OR11A1: variants seen among roughly 807,000 people sequenced by gnomAD.
OR11A1 encodes olfactory receptor family 11 subfamily A member 1, also known as olfactory receptor 11A1.
For synonymous variants in OR11A1, 158 were observed against 152.2 expected, an observed-to-expected ratio of 1.04 and a Z score of -0.28; for missense variants, 380 against 378.2, an observed-to-expected ratio of 1.00 and a Z score of -0.04.
rs938491780 is a variant in OR11A1, at chr6:29,452,569, T to C, written c.-389+4418A>G. 5.3e-5 allele frequency among the ~76,000 whole-genome samples: 8 copies of C among 151,986 alleles called. 1 individual carries two copies. Among genetic ancestry groups the C allele is most frequent in the Non-Finnish European group, 1.2e-4 (8 of 67,998 alleles). ...ATAACAATAAAAATGACTGCCAACA[T>C]CTCAACAGAAACAAAGGGAGTCAGA... On this transcript the variant is annotated intron_variant, in intron 1 of 4. Transcript: ENST00000377149.
chr6:29,429,052 A>G (rs1268693744), intron 3 of OR11A1, 92 bp from the exon 4 acceptor site: 2 of 200,454 alleles, frequency 1.0e-5, no homozygotes, highest in African/African-American at 4.7e-5. Flanking sequence ...AAATATAAAT[A>G]CATAATACTA....
chr6:29,437,289 A>T (rs1403669998), intron 1 of OR11A1, among the ~76,000 whole-genome samples: 1 of 152,246 alleles, frequency 6.6e-6, no homozygotes, highest in Non-Finnish European at 1.5e-5. Flanking sequence ...GAACCAACAC[A>T]AATGTCCAAC....
chr6:29,426,461 T>A lies in OR11A1; in HGVS notation c.*233A>T, dbSNP rs531310476. On this transcript the variant is annotated 3_prime_UTR_variant, in exon 5 of 5. Transcript: ENST00000377149. ...AATACCTGGGTGATGAAATAATCTG[T>A]ACAGTAAACCCCCATGACACAAGTT... is the stretch of plus-strand genomic sequence containing the variant. 1.9e-6 allele frequency: 1 copy of A among 531,928 alleles called. No individual in the cohort carries two copies. Among genetic ancestry groups the A allele is most frequent in the South Asian group, 3.2e-5 (1 of 30,996 alleles). The allele number at this position is 531,928 out of a possible 1,614,324, so 33.0% of individuals were successfully genotyped here.
rs994353144 is a variant in OR11A1 at position 29,427,781 on chromosome 6, A to G, written c.-91-49T>C. ...GACAAAAATGAGTCTCTAAAACAAGACTCGCTCACGCAAGTCTTCAACTAT... is the reference window on the plus strand; with the variant it reads ...GACAAAAATGAGTCTCTAAAACAAGGCTCGCTCACGCAAGTCTTCAACTAT... On this transcript the variant is annotated intron_variant, in intron 4 of 4. Transcript: ENST00000377149. 15 of 1,361,686 alleles carry G rather than the reference A, an allele frequency of 1.1e-5. No homozygotes were observed. In the African/African-American group the frequency reaches 1.6e-4, roughly 15 times the overall value. The allele number at this position is 1,361,686 out of a possible 1,614,324, so 84.4% of individuals were successfully genotyped here. A position where few individuals can be genotyped will look rare whatever the true frequency, so the allele number is the denominator to read the frequency against.
intron 1 of OR11A1, chr6:29,441,023 T>C: frequency 1.0e-6 from 1 of 998,424 alleles, no homozygotes; most frequent in Non-Finnish European, 1.5e-6. Flanking sequence ...TCAAAGAGTC[T>C]CCCTTAAGGT....
chr6:29,435,171 G>C (rs1224801244), intron 1 of OR11A1, among the ~76,000 whole-genome samples: 1 of 152,228 alleles, frequency 6.6e-6, no homozygotes, highest in Non-Finnish European at 1.5e-5. Flanking sequence ...TGTTCCCACA[G>C]CCAGGGTGGA....
chr6:29,452,318 T>G (rs1447082229), intron 1 of OR11A1, among the ~76,000 whole-genome samples: 1 of 151,844 alleles, frequency 6.6e-6, no homozygotes, highest in Non-Finnish European at 1.5e-5. Flanking sequence ...CCTGTGCCCC[T>G]TGAAACTAAA....
chr6:29,433,782 C>T (rs1306823344), intron 1 of OR11A1, among the ~76,000 whole-genome samples: 1 of 152,020 alleles, frequency 6.6e-6, no homozygotes, highest in African/African-American at 2.4e-5. Flanking sequence ...TACTAATTTA[C>T]GCTTCCACCA....
intron 1 of OR11A1, among the ~76,000 whole-genome samples, chr6:29,442,060 A>G (rs1784244461): frequency 6.6e-6 from 1 of 152,224 alleles, no homozygotes; most frequent in Non-Finnish European, 1.5e-5. Flanking sequence ...TATCTGGCAC[A>G]AAATAGTATC....
In OR11A1 at chr6:29,453,204, AAT is replaced by A. The variant is rs199653404; in HGVS notation, c.-389+3781_-389+3782del. 2.1e-3 allele frequency among the ~76,000 whole-genome samples: 315 copies of A among 149,098 alleles called. 9 individuals are homozygous for A. Among genetic ancestry groups the A allele is most frequent in the Admixed American group, 0.016 (237 of 14,960 alleles). On this transcript the variant is annotated intron_variant, in intron 1 of 4. Coordinates refer to ENST00000377149, the MANE Select transcript of OR11A1 (RefSeq NM_001394828.1). This position sits in a 1 kb window ranked among gnomAD's most constrained non-coding sequence, Gnocchi z 4.5. Reference sequence around the variant, plus strand: ...ATGAAATAAATAATAAATATAAATTAATATATATACATTAAAAATAAAATTCA... The same window carrying A: ...ATGAAATAAATAATAAATATAAATTAATATATACATTAAAAATAAAATTCA...
intron 1 of OR11A1, among the ~76,000 whole-genome samples, chr6:29,451,336 A>C (rs142834686): frequency 1.5e-3 from 223 of 152,312 alleles, no homozygotes; most frequent in African/African-American, 4.9e-3. Context: ...GGAAACAAAA[A>C]CAGAAATAGA....
In OR11A1 at chr6:29,427,618, G is replaced by A. The variant is rs141095360; in HGVS notation, c.24C>T (p.Asn8=). The A allele has an allele frequency of 8.2e-5, 132 of 1,608,730 alleles. No homozygotes were observed. In the East Asian group the frequency reaches 9.2e-4, roughly 11 times the overall value. MEIVSTG[N]ETITEFVLLG... is the part of the protein sequence containing the mutation. ...GGAGGACAAATTCAGTAATAGTTTC[G>A]TTTCCTGTGGAGACAATTTCCATGT... The change falls in exon 5 of 5, where the codon AAC becomes AAT. Residue 8 remains asparagine (N), a synonymous_variant. Transcript: ENST00000377149.
intron 1 of OR11A1, among the ~76,000 whole-genome samples, chr6:29,448,252 T>A (rs1295169192): frequency 4.6e-5 from 7 of 151,988 alleles, no homozygotes; most frequent in African/African-American, 1.7e-4. Flanking sequence ...CTTGACCTCA[T>A]GATCTGCCCA....
intron 1 of OR11A1, among the ~76,000 whole-genome samples, chr6:29,432,311 A>C (rs1209063803): frequency 6.6e-6 from 1 of 152,142 alleles, no homozygotes; most frequent in Non-Finnish European, 1.5e-5. Flanking sequence ...AGCCAAATGG[A>C]GCCCACCTTT....
chr6:29,438,513 T>A (rs1376800966), intron 1 of OR11A1, among the ~76,000 whole-genome samples: 1 of 152,134 alleles, frequency 6.6e-6, no homozygotes, highest in South Asian at 2.1e-4. Flanking sequence ...TTTGTAGATG[T>A]ACTAGAACAT....
At chr6:29,452,389 A>G (rs577284771) in intron 1 of OR11A1, among the ~76,000 whole-genome samples, 11 of 152,208 alleles carry the variant, frequency 7.2e-5, no homozygotes, top group Non-Finnish European at 1.5e-4. Flanking sequence ...AAATTGTTCA[A>G]AAAATGTTGG....
At chr6:29,429,665 A>C (rs1783108772) in intron 3 of OR11A1, among the ~76,000 whole-genome samples, 1 of 152,204 alleles carries the variant, frequency 6.6e-6, no homozygotes, top group Non-Finnish European at 1.5e-5. Flanking sequence ...ATGAGTACAC[A>C]CTGAGGCAAG....
At chr6:29,437,120 G>A (rs566982411) in intron 1 of OR11A1, among the ~76,000 whole-genome samples, 16 of 152,352 alleles carry the variant, frequency 1.1e-4, no homozygotes, top group Non-Finnish European at 5.9e-5. Flanking sequence ...CATTGTGGAA[G>A]TCAGTGTGGC....
In OR11A1 at chr6:29,427,617, C is replaced by T. The variant is rs745945077; in HGVS notation, c.25G>A (p.Glu9Lys). The change falls in exon 5 of 5, where the codon GAA (glutamate) becomes AAA (lysine). Residue 9 changes from glutamate (E) to lysine (K), a missense_variant. Transcript: ENST00000377149. The stretch of plus-strand genomic sequence containing the variant: ...AGGAGGACAAATTCAGTAATAGTTT[C>T]GTTTCCTGTGGAGACAATTTCCATG... MEIVSTGNETITEFVLLGF... is the reference protein window; with the variant it reads MEIVSTGNKTITEFVLLGF... 9.3e-6 allele frequency: 15 copies of T among 1,609,854 alleles called. No individual in the cohort carries two copies. The South Asian group carries it at 9.9e-5, about 11-fold the overall frequency.
Sources: gnomAD v4.1 joint callset for allele counts (sites outside exome capture counted in the v4.1 genomes callset) on GRCh38, gnomAD v4.1.1 for gene constraint, Gnocchi (gnomAD v3.1) non-coding constraint, MANE v1.5 for transcripts, NCBI Gene and HGNC (gene_info 2026-07-23, HGNC 2026-07-21) for gene names.